DSG4: variants seen among roughly 807,000 people sequenced by gnomAD.
The protein encoded by DSG4 is desmoglein-4.
DSG4 carries 87 observed loss-of-function variants against 93.1 expected under a neutral mutation model. The ratio of observed to expected loss-of-function variants is 0.93; its 90% CI spans 0.79 to 1.12. The LOEUF is 1.12. Among genes scored for constraint, DSG4 ranks in the 50% most tolerant of loss-of-function variants. The pLI, the probability that DSG4 is intolerant of heterozygous loss-of-function variation, is 0.00. For synonymous variants in DSG4, 432 were observed against 452.9 expected, an observed-to-expected ratio of 0.95 and a Z score of 0.59; for missense variants, 1,373 against 1,285.7, an observed-to-expected ratio of 1.07 and a Z score of -1.04.
At chr18:31,403,678 G>A in intron 11 of DSG4, 44 bp downstream of exon 11, 2 of 1,576,530 alleles carry the variant, frequency 1.3e-6, no homozygotes, top group Non-Finnish European at 1.7e-6. Flanking sequence ...AAGTCCAAAA[G>A]CAAAACAATT....
At chr18:31,391,241 C>T (rs779516049) in intron 7 of DSG4, 29 bp downstream of exon 7, 2 of 1,612,584 alleles carry the variant, frequency 1.2e-6, no homozygotes, top group East Asian at 2.2e-5. Context: ...CTTCCTTTTT[C>T]CATAAGTGTC....
rs1568075312 is a variant in DSG4, at chr18:31,413,203, T to TA, written c.2732dup (p.Tyr911Ter). The TA allele has an allele frequency of 1.9e-6, 3 of 1,614,162 alleles. No individual in the cohort carries two copies. The highest frequency in any genetic ancestry group is 2.2e-5 in the East Asian group (1 of 44,888). The change falls in exon 16 of 16, where the codon TAC (tyrosine) becomes TAAC (stop). Residue 911 changes from tyrosine to a stop codon, truncating the protein, a stop_gained and frameshift_variant. Transcript: ENST00000308128. LOFTEE classifies it low-confidence loss of function (END_TRUNC). ...TGGGGATATTATTGTGACTGAGACT[T>TA]ACGGTAATGCTGATCCATGTGTGCA... ...VHGDIIVTET[Y>*]GNADPCVQPT...
At chr18:31,395,913 C>T (rs191569502) in intron 8 of DSG4, among the ~76,000 whole-genome samples, 25 of 152,056 alleles carry the variant, frequency 1.6e-4, no homozygotes, top group Admixed American at 3.9e-4. Flanking sequence ...CACTTGAACG[C>T]GGACCAGGGA....
At chr18:31,400,739 T>G in intron 9 of DSG4, 142 bp from the exon 10 acceptor site, 2 of 771,056 alleles carry the variant, frequency 2.6e-6, no homozygotes, top group South Asian at 3.8e-5. Flanking sequence ...TTGATATATA[T>G]GTACTTTTTA....
At chr18:31,384,398 T>A (rs2072165696) in intron 1 of DSG4, among the ~76,000 whole-genome samples, 2 of 152,166 alleles carry the variant, frequency 1.3e-5, no homozygotes, top group African/African-American at 4.8e-5. Context: ...TCTATTCATA[T>A]GTATATTTCA....
Position 31,413,352 on chromosome 18 carries a change from C to T in DSG4, c.2880C>T (p.Asn960=), listed in dbSNP as rs761115649. The T allele has an allele frequency of 6.2e-7, 1 of 1,614,106 alleles. No individual in the cohort carries two copies. Among genetic ancestry groups the T allele is most frequent in the Non-Finnish European group, 8.5e-7 (1 of 1,180,034 alleles). Residue 960 remains asparagine (N), a synonymous_variant, in exon 16 of 16, where the codon AAC becomes AAT. Transcript: ENST00000308128. The stretch of plus-strand genomic sequence containing the variant: ...TACCTGCTGAGTTAGCAGATTACAA[C>T]AATGTAATCTATGCTGAGAGAGTAC... The part of the protein sequence containing the change: ...ICVPAELADY[N]NVIYAERVLA...
At chr18:31,404,447 G>T (rs2072402963) in intron 11 of DSG4, among the ~76,000 whole-genome samples, 1 of 152,110 alleles carries the variant, frequency 6.6e-6, no homozygotes, top group Non-Finnish European at 1.5e-5. Flanking sequence ...AAAAGAAAAT[G>T]CTATGAGAGG....
intron 1 of DSG4, among the ~76,000 whole-genome samples, chr18:31,377,549 G>T (rs1354197509): frequency 6.6e-6 from 1 of 152,116 alleles, no homozygotes; most frequent in Non-Finnish European, 1.5e-5. Context: ...GACCAGCAAA[G>T]AAATATTTAA....
At chr18:31,387,224 T>A (rs764706961) in intron 3 of DSG4, among the ~76,000 whole-genome samples, 2 of 152,048 alleles carry the variant, frequency 1.3e-5, no homozygotes, top group Non-Finnish European at 1.5e-5. Context: ...TCCCACCAGA[T>A]CTCTACATCC....
intron 9 of DSG4, 73 bp from the exon 10 acceptor site, chr18:31,400,808 T>G (rs1249593047): frequency 7.3e-5 from 110 of 1,512,650 alleles, no homozygotes; most frequent in Non-Finnish European, 9.9e-5. Context: ...TTTGCCACAT[T>G]GTAGCTGTTA....
intron 8 of DSG4, among the ~76,000 whole-genome samples, chr18:31,398,605 G>A (rs2072330236): frequency 6.6e-6 from 1 of 152,080 alleles, no homozygotes; most frequent in African/African-American, 2.4e-5. Context: ...GACTTTTCAT[G>A]TCACCACATC....
Position 31,400,987 on chromosome 18 carries a change from G to A in DSG4, c.1384G>A (p.Gly462Arg), listed in dbSNP as rs769839521. 26 of 1,610,460 alleles carry A rather than the reference G, an allele frequency of 1.6e-5. No individual in the cohort carries two copies. In the Middle Eastern group the frequency reaches 6.8e-4, roughly 42 times the overall value. ...FDKKSKYIINGIYTAEILAID... is the reference protein window; with the variant it reads ...FDKKSKYIINRIYTAEILAID... ...TAAGAAGTCAAAATATATTATCAATGGGATATACACAGCAGAGATCCTGGC... is the reference window on the plus strand; with the variant it reads ...TAAGAAGTCAAAATATATTATCAATAGGATATACACAGCAGAGATCCTGGC... Residue 462 changes from glycine (G) to arginine (R), a missense_variant, in exon 10 of 16, where the codon GGG becomes AGG. Gly to Arg is a moderately radical substitution (Grantham distance 125). Transcript: ENST00000308128.
At chr18:31,398,695 A>C (rs1262984207) in intron 8 of DSG4, among the ~76,000 whole-genome samples, 1 of 152,174 alleles carries the variant, frequency 6.6e-6, no homozygotes, top group African/African-American at 2.4e-5. Flanking sequence ...CATGGCATTT[A>C]CTTATTTGAA....
At chr18:31,409,221 G>A (rs543982906) in intron 12 of DSG4, among the ~76,000 whole-genome samples, 103 of 152,250 alleles carry the variant, frequency 6.8e-4, no homozygotes, top group Middle Eastern at 6.8e-3. Context: ...TTACCTGATC[G>A]CAAACTCCTT....
At chr18:31,401,065 A>G (rs779182747) in intron 10 of DSG4, 45 bp downstream of exon 10, 2 of 1,433,848 alleles carry the variant, frequency 1.4e-6, no homozygotes, top group East Asian at 4.9e-5. Context: ...TAGTACTATT[A>G]TATTAAATAT....
intron 12 of DSG4, among the ~76,000 whole-genome samples, chr18:31,407,670 A>C (rs905480256): frequency 6.6e-6 from 1 of 152,168 alleles, no homozygotes; most frequent in Non-Finnish European, 1.5e-5. Context: ...ATAACAGCTG[A>C]CTTTTGGTGA....
At chr18:31,408,063 G>A (rs949651121) in intron 12 of DSG4, among the ~76,000 whole-genome samples, 1 of 152,196 alleles carries the variant, frequency 6.6e-6, no homozygotes, top group Non-Finnish European at 1.5e-5. Flanking sequence ...CTGATGGATT[G>A]TAGAATAGGA....
In DSG4 at chr18:31,392,077, TA is replaced by T. The variant is rs1360375551; in HGVS notation, c.820-75del. 1.6e-5 allele frequency: 22 copies of T among 1,386,046 alleles called. No individual in the cohort carries two copies. The African/African-American group carries it at 3.0e-4, about 19-fold the overall frequency. 85.9% of individuals were successfully genotyped at this position (1,386,046 alleles called of 1,614,324 possible). On this transcript the variant is annotated intron_variant, in intron 7 of 15. Coordinates refer to ENST00000308128, the MANE Select transcript of DSG4 (RefSeq NM_177986.5). The stretch of plus-strand genomic sequence containing the variant: ...TCGACATAGTTTGTTGTTAGTATTT[TA>T]AATAATAATAATGTGTTTTAAGTAC...
intron 1 of DSG4, among the ~76,000 whole-genome samples, chr18:31,378,599 T>C (rs1166446252): frequency 1.3e-5 from 2 of 152,196 alleles, no homozygotes; most frequent in Non-Finnish European, 2.9e-5. Flanking sequence ...TTGGTAATAC[T>C]AGCGTTTTTA....
Sources: gnomAD v4.1 joint callset for allele counts (sites outside exome capture counted in the v4.1 genomes callset) on GRCh38, gnomAD v4.1.1 for gene constraint, MANE v1.5 for transcripts, NCBI Gene and HGNC (gene_info 2026-07-23, HGNC 2026-07-21) for gene names.